Variants in KCNG2 observed in about 807,000 individuals in gnomAD.
The protein encoded by KCNG2 is voltage-gated potassium channel regulatory subunit KCNG2.
A neutral mutation model predicts 12.3 loss-of-function variants in KCNG2; 7 were observed. The ratio of observed to expected loss-of-function variants is 0.57; its 90% CI spans 0.32 to 1.07. The LOEUF (loss-of-function observed/expected upper bound fraction) is 1.07, where lower values mean the gene tolerates loss of function less well. Ranked by LOEUF, KCNG2 falls within the 50% of genes least tolerant of loss-of-function variation. The probability of loss-of-function intolerance (pLI) is 0.04; values close to 1 mark genes in which losing one functional copy is unlikely to be tolerated. For missense variants in KCNG2, 703 were observed against 726.0 expected, an observed-to-expected ratio of 0.97 and a Z score of 0.36; for synonymous variants, 414 against 351.4, an observed-to-expected ratio of 1.18 and a Z score of -1.99.
intron 1 of KCNG2, among the ~76,000 whole-genome samples, chr18:79,825,150 G>C (rs1338415746): frequency 6.6e-6 from 1 of 152,170 alleles, no homozygotes; most frequent in Non-Finnish European, 1.5e-5. Context: ...GTCTGCTGAA[G>C]TTTCTAACTC....
intron 1 of KCNG2, among the ~76,000 whole-genome samples, chr18:79,835,328 A>G (rs928204457): frequency 5.3e-5 from 8 of 152,254 alleles, no homozygotes; most frequent in African/African-American, 1.9e-4. Flanking sequence ...GGTGAAAAGG[A>G]CAGTCAACGG....
rs1033367844 is a variant in KCNG2 at position 79,797,997 on chromosome 18, G to C, written c.-132G>C. ...GCCGGGTAAGCGGAGCCCGGAGCTC[G>C]CGGAGTCTGGACCGCAGGTAAAGTT... is the stretch of plus-strand genomic sequence containing the variant. On this transcript the variant is annotated 5_prime_UTR_variant, in exon 1 of 4. Transcript: ENST00000316249. Among the ~76,000 whole-genome samples, 1 of 151,312 alleles carries C rather than the reference G, an allele frequency of 6.6e-6. No homozygotes were observed. The highest frequency in any genetic ancestry group is 2.0e-4 in the East Asian group (1 of 5,098).
intron 1 of KCNG2, among the ~76,000 whole-genome samples, chr18:79,821,052 A>G (rs2087566406): frequency 6.6e-6 from 1 of 152,150 alleles, no homozygotes; most frequent in Admixed American, 6.5e-5. Context: ...TGATTTGCAA[A>G]TATTTTCCCC....
rs764200959 is a variant in KCNG2 at position 79,899,615 on chromosome 18, G to C, written c.1200G>C (p.Pro400=). The change falls in exon 4 of 4, where the codon CCG becomes CCC. Residue 400 remains proline, a synonymous_variant. Coordinates refer to ENST00000316249, the MANE Select transcript of KCNG2 (RefSeq NM_012283.2). ...ILSGILLMAF[P]VTSIFHTFSR... Reference sequence around the variant, plus strand: ...GCGGCATCCTGCTCATGGCCTTCCCGGTCACCTCCATCTTCCACACCTTTT... The same window carrying C: ...GCGGCATCCTGCTCATGGCCTTCCCCGTCACCTCCATCTTCCACACCTTTT... The C allele has an allele frequency of 2.3e-5, 36 of 1,599,080 alleles. No individual in the cohort carries two copies. The highest frequency in any genetic ancestry group is 3.0e-5 in the Non-Finnish European group (35 of 1,172,044).
chr18:79,819,408 G>A (rs1756644210), intron 1 of KCNG2, among the ~76,000 whole-genome samples: 1 of 152,234 alleles, frequency 6.6e-6, no homozygotes, highest in Non-Finnish European at 1.5e-5. Flanking sequence ...AGGGAGAGCT[G>A]TTGCTGCCAG....
intron 1 of KCNG2, among the ~76,000 whole-genome samples, chr18:79,853,376 G>T (rs765858833): frequency 3.9e-5 from 6 of 152,168 alleles, no homozygotes; most frequent in African/African-American, 7.2e-5. Context: ...ACCATGGGGT[G>T]AGGGGTCACC....
intron 1 of KCNG2, among the ~76,000 whole-genome samples, chr18:79,802,449 G>A (rs377644326): frequency 2.6e-5 from 4 of 151,928 alleles, no homozygotes; most frequent in South Asian, 2.1e-4. Flanking sequence ...GTGCCGCTCC[G>A]GTCCGGAGAG....
chr18:79,868,811 G>A (rs1979713441), intron 3 of KCNG2, among the ~76,000 whole-genome samples: 1 of 152,240 alleles, frequency 6.6e-6, no homozygotes, highest in Non-Finnish European at 1.5e-5. Flanking sequence ...CCAAATCACT[G>A]GCTGACCATC....
intron 3 of KCNG2, among the ~76,000 whole-genome samples, chr18:79,896,744 G>T (rs550278774): frequency 1.2e-4 from 19 of 152,310 alleles, no homozygotes; most frequent in African/African-American, 3.8e-4. Flanking sequence ...ACTTTCTTTA[G>T]TATTTCTTGT....
At chr18:79,827,140 TG>T (rs1252113984) in intron 1 of KCNG2, among the ~76,000 whole-genome samples, 1 of 152,074 alleles carries the variant, frequency 6.6e-6, no homozygotes, top group Non-Finnish European at 1.5e-5. Flanking sequence ...GGGGACAGGC[TG>T]GGGACTCCCA....
chr18:79,873,101 G>A (rs1279775299), intron 3 of KCNG2, among the ~76,000 whole-genome samples: 1 of 152,200 alleles, frequency 6.6e-6, no homozygotes, highest in African/African-American at 2.4e-5. Flanking sequence ...TGGGCAGCAG[G>A]GTGGGCCAGG....
chr18:79,863,902 C>A lies in KCNG2; in HGVS notation c.235C>A (p.Arg79Ser). ...FFFDRSPCAF[R>S]AIVALLRAGK... ...CTTCGACCGCAGCCCGTGCGCCTTC[C>A]GCGCCATCGTGGCGCTTTTGCGCGC... The change falls in exon 3 of 4, where the codon CGC becomes AGC. Residue 79 changes from arginine (R) to serine (S), a missense_variant. Transcript: ENST00000316249. 1 of 1,439,542 alleles carries A rather than the reference C, an allele frequency of 6.9e-7. No individual in the cohort carries two copies. Among genetic ancestry groups the A allele is most frequent in the East Asian group, 3.0e-5 (1 of 33,816 alleles). 89.2% of individuals were successfully genotyped at this position (1,439,542 alleles called of 1,614,324 possible). A position where few individuals can be genotyped will look rare whatever the true frequency, so the allele number is the denominator to read the frequency against.
At chr18:79,846,961 G>A (rs745859766) in intron 1 of KCNG2, among the ~76,000 whole-genome samples, 2 of 152,194 alleles carry the variant, frequency 1.3e-5, no homozygotes, top group Non-Finnish European at 2.9e-5. Flanking sequence ...AAACGAACTC[G>A]TTTGGCCACA....
intron 3 of KCNG2, among the ~76,000 whole-genome samples, chr18:79,873,876 G>A (rs1192711389): frequency 1.3e-5 from 2 of 152,274 alleles, no homozygotes; most frequent in East Asian, 3.8e-4. Context: ...GCCTGTGAGA[G>A]GCGCTGGCCT....
chr18:79,871,979 G>A (rs1269719192), intron 3 of KCNG2, among the ~76,000 whole-genome samples: 1 of 152,206 alleles, frequency 6.6e-6, no homozygotes, highest in Non-Finnish European at 1.5e-5. Context: ...CAAGCTCTGG[G>A]AGGCGGGCAG....
chr18:79,893,107 G>A (rs1275969874), intron 3 of KCNG2, among the ~76,000 whole-genome samples: 1 of 151,974 alleles, frequency 6.6e-6, no homozygotes, highest in Non-Finnish European at 1.5e-5. Flanking sequence ...GATTCATATA[G>A]TTGGGTCTCT....
At chr18:79,872,293 T>TTGTTTTTG (rs1555695130) in intron 3 of KCNG2, among the ~76,000 whole-genome samples, 5 of 134,106 alleles carry the variant, frequency 3.7e-5, no homozygotes, top group African/African-American at 8.1e-5. Context: ...TTTTTTTTTT[T>TTGTTTTTG]TTTTTTTTTT....
At chr18:79,852,259 G>T (rs1412700490) in intron 1 of KCNG2, among the ~76,000 whole-genome samples, 2 of 152,244 alleles carry the variant, frequency 1.3e-5, no homozygotes, top group African/African-American at 2.4e-5. Flanking sequence ...CCCGCCCCGG[G>T]GAAAACGTGG....
In KCNG2 at chr18:79,899,329, C is replaced by G. The variant is rs760256221; in HGVS notation, c.914C>G (p.Ser305Trp). The G allele has an allele frequency of 4.5e-6, 7 of 1,552,422 alleles. No homozygotes were observed. The highest frequency in any genetic ancestry group is 1.4e-5 in the African/African-American group (1 of 71,930). Residue 305 changes from serine (S) to tryptophan (W), a missense_variant, in exon 4 of 4, where the codon TCG becomes TGG. Coordinates refer to ENST00000316249, the MANE Select transcript of KCNG2 (RefSeq NM_012283.2). ...TACGTGATGCGCCTGGCGCGCCACTCGCTGGGGCTGCGTTCGCTGGGCCTG... is the reference window on the plus strand; with the variant it reads ...TACGTGATGCGCCTGGCGCGCCACTGGCTGGGGCTGCGTTCGCTGGGCCTG... Reference protein sequence around the residue: ...VLYVMRLARHSLGLRSLGLTM... With the variant: ...VLYVMRLARHWLGLRSLGLTM...
Sources: allele counts gnomAD v4.1 joint callset (sites outside exome capture counted in the v4.1 genomes callset), GRCh38; gene constraint gnomAD v4.1.1; transcripts MANE v1.5; gene names NCBI Gene and HGNC (gene_info 2026-07-23, HGNC 2026-07-21).